Variants in BAG3 observed in about 807,000 individuals in gnomAD.
BAG3 encodes BAG family molecular chaperone regulator 3.
BAG3 carries 14 observed loss-of-function variants against 40.5 expected under a neutral mutation model. The observed-to-expected ratio is 0.35, with a 90% CI of 0.23 to 0.54. The LOEUF (loss-of-function observed/expected upper bound fraction) is 0.54, where lower values mean the gene tolerates loss of function less well. Ranked by LOEUF, BAG3 falls within the 20% of genes least tolerant of loss-of-function variation. The pLI is 0.91. For synonymous variants in BAG3, 302 were observed against 307.8 expected (o/e 0.98, Z 0.20); for missense variants, 788 against 758.6 (o/e 1.04, Z -0.46).
At chr10:119,652,968 T>G (rs1437885608) in intron 1 of BAG3, among the ~76,000 whole-genome samples, 1 of 152,246 alleles carries the variant, frequency 6.6e-6, no homozygotes, top group Non-Finnish European at 1.5e-5. Context: ...AAAGCTGAAT[T>G]GTTAACGCCG....
chr10:119,676,906 A>T lies in BAG3; in HGVS notation c.1352A>T (p.Tyr451Phe). Residue 451 changes from tyrosine to phenylalanine, a missense_variant, in exon 4 of 4, where the codon TAC (tyrosine) becomes TTC (phenylalanine). By Grantham distance (22) the Tyr-to-Phe change is conservative (BLOSUM62 3). Transcript: ENST00000369085. ...NFEGKKTDKK[Y>F]LMIEEYLTKE... ...GAAGGCAAGAAGACTGACAAAAAGT[A>T]CCTGATGATCGAAGAGTATTTGACC... 6.2e-7 allele frequency: 1 copy of T among 1,614,246 alleles called. No individual in the cohort carries two copies.
In BAG3 at chr10:119,672,793, G is replaced by A. The variant is rs1847172224; in HGVS notation, c.909+137G>A. 5 of 1,276,394 alleles carry A rather than the reference G, an allele frequency of 3.9e-6. No homozygotes were observed. Among genetic ancestry groups the A allele is most frequent in the Non-Finnish European group, 5.5e-6 (5 of 910,406 alleles). The allele number at this position is 1,276,394 out of a possible 1,614,324, so 79.1% of individuals were successfully genotyped here. Reference sequence around the variant, plus strand: ...GTACCTACAGGCAAGTGAGATTCGAGAAATTGCTAGGTATTAACAGAAATG... The same window carrying A: ...GTACCTACAGGCAAGTGAGATTCGAAAAATTGCTAGGTATTAACAGAAATG... On this transcript the variant is annotated intron_variant, in intron 3 of 3. Transcript: ENST00000369085. The surrounding 1 kb of genome is among the most constrained non-coding windows in gnomAD (Gnocchi z 4.8).
chr10:119,664,137 A>G (rs1185969128), intron 1 of BAG3, among the ~76,000 whole-genome samples: 2 of 152,182 alleles, frequency 1.3e-5, no homozygotes, highest in Non-Finnish European at 2.9e-5. Flanking sequence ...GCTAAAAACC[A>G]CTAGTGCAGT....
In BAG3 at chr10:119,677,086, A is replaced by T; in HGVS notation, c.1532A>T (p.Gln511Leu). The T allele has an allele frequency of 6.2e-7, 1 of 1,614,244 alleles. No individual in the cohort carries two copies. The highest frequency in any genetic ancestry group is 8.5e-7 in the Non-Finnish European group (1 of 1,180,048). ...GGTCAAGTCCAGGTCTATGAACTCCAGCCCAGCAACCTTGAAGCAGATCAG... is the reference window on the plus strand; with the variant it reads ...GGTCAAGTCCAGGTCTATGAACTCCTGCCCAGCAACCTTGAAGCAGATCAG... The part of the protein sequence containing the change: ...VPGQVQVYEL[Q>L]PSNLEADQPL... The change falls in exon 4 of 4, where the codon CAG becomes CTG. Residue 511 changes from glutamine to leucine, a missense_variant. By Grantham distance (113) the Gln-to-Leu change is moderately radical (BLOSUM62 -2). Coordinates refer to ENST00000369085, the MANE Select transcript of BAG3 (RefSeq NM_004281.4).
intron 2 of BAG3, among the ~76,000 whole-genome samples, chr10:119,671,759 TTGTG>T: frequency 6.6e-6 from 1 of 152,068 alleles, no homozygotes; most frequent in South Asian, 2.1e-4. Context: ...TCAGTCTTTG[TTGTG>T]TGTGTGTGTG....
chr10:119,655,704 G>T (rs887707585), intron 1 of BAG3, among the ~76,000 whole-genome samples: 2 of 152,086 alleles, frequency 1.3e-5, no homozygotes, highest in Non-Finnish European at 2.9e-5. Flanking sequence ...TTTGTTGGGG[G>T]GCAGATGAAC....
At chr10:119,656,281 G>A (rs767035315) in intron 1 of BAG3, among the ~76,000 whole-genome samples, 4 of 152,020 alleles carry the variant, frequency 2.6e-5, no homozygotes, top group Non-Finnish European at 5.9e-5. Flanking sequence ...ACACTTGACC[G>A]TGTTATTCTC....
At chr10:119,665,135 TATA>T in intron 1 of BAG3, among the ~76,000 whole-genome samples, 1 of 80,422 alleles carries the variant, frequency 1.2e-5, no homozygotes, top group African/African-American at 5.1e-5. Flanking sequence ...TGTATATATA[TATA>T]TATATATTTT....
At chr10:119,666,071 C>T (rs552485442) in intron 1 of BAG3, among the ~76,000 whole-genome samples, 3 of 152,186 alleles carry the variant, frequency 2.0e-5, no homozygotes, top group African/African-American at 4.8e-5. Flanking sequence ...CCCTTCCCCC[C>T]ACATGCCTCT....
chr10:119,672,631 T>C lies in BAG3; in HGVS notation c.884T>C (p.Val295Ala). ...CTCCACTCCCCCTCGCCCATCCGTG[T>C]GCACACCGTGGTCGACAGGCCTCAG... ...TPLHSPSPIR[V>A]HTVVDRPQQP... Residue 295 changes from valine (V) to alanine (A), a missense_variant, in exon 3 of 4, where the codon GTG becomes GCG. Physicochemically the swap from Val to Ala is moderately conservative, Grantham distance 64. Transcript: ENST00000369085. The surrounding 1 kb of genome is among the most constrained non-coding windows in gnomAD (Gnocchi z 4.8). 6.2e-7 allele frequency: 1 copy of C among 1,613,936 alleles called. No homozygotes were observed. Among genetic ancestry groups the C allele is most frequent in the Non-Finnish European group, 8.5e-7 (1 of 1,180,016 alleles).
At position 119,651,593 on chromosome 10, in the gene BAG3, C is replaced by T; in HGVS notation, c.-83C>T. 7.7e-7 allele frequency: 1 copy of T among 1,292,544 alleles called. No homozygotes were observed. 80.1% of individuals were successfully genotyped at this position (1,292,544 alleles called of 1,614,324 possible). On this transcript the variant is annotated 5_prime_UTR_variant, in exon 1 of 4. Coordinates refer to ENST00000369085, the MANE Select transcript of BAG3 (RefSeq NM_004281.4). ...GGACACGTCGGCGGCGGAGAGGGGC[C>T]CACGGCGGCGGCCCGGCCAGAGACT...
At position 119,672,889 on chromosome 10, in the gene BAG3, G is replaced by C. The variant is rs745920547; in HGVS notation, c.909+233G>C. 3.9e-5 allele frequency among the ~76,000 whole-genome samples: 6 copies of C among 152,122 alleles called. No individual in the cohort carries two copies. Among genetic ancestry groups the C allele is most frequent in the Non-Finnish European group, 7.4e-5 (5 of 68,026 alleles). ...TGCTGGGCTGATCATTGTGCATTGC[G>C]GCTGACTTAGAGCAGACGAAACAGC... is the stretch of plus-strand genomic sequence containing the variant. On this transcript the variant is annotated intron_variant, in intron 3 of 3. Transcript: ENST00000369085. This position sits in a 1 kb window ranked among gnomAD's most constrained non-coding sequence, Gnocchi z 4.8.
intron 3 of BAG3, among the ~76,000 whole-genome samples, chr10:119,675,828 C>T (rs1237276400): frequency 1.1e-4 from 6 of 56,908 alleles, no homozygotes; most frequent in African/African-American, 1.4e-4. Context: ...TTCCTTCCCC[C>T]TTCCCCCTTC....
At chr10:119,662,086 T>C (rs1846999227) in intron 1 of BAG3, among the ~76,000 whole-genome samples, 1 of 152,128 alleles carries the variant, frequency 6.6e-6, no homozygotes, top group Non-Finnish European at 1.5e-5. Context: ...CTCACTCTCT[T>C]GCCCAGGCTG....
chr10:119,676,857 C>T lies in BAG3; in HGVS notation c.1303C>T (p.Leu435=), dbSNP rs773567050. The T allele has an allele frequency of 6.2e-7, 1 of 1,614,174 alleles. No homozygotes were observed. Among genetic ancestry groups the T allele is most frequent in the South Asian group, 1.1e-5 (1 of 91,086 alleles). The change falls in exon 4 of 4, where the codon CTG becomes TTG. Residue 435 remains leucine, a synonymous_variant. Coordinates refer to ENST00000369085, the MANE Select transcript of BAG3 (RefSeq NM_004281.4). ...VEAILEKVQG[L]EQAVDNFEGK... ...AGCCATCCTGGAGAAGGTACAGGGG[C>T]TGGAGCAGGCTGTAGACAACTTTGA...
Position 119,677,552 on chromosome 10 carries a change from C to T in BAG3, c.*270C>T. 1.9e-6 allele frequency: 1 copy of T among 534,228 alleles called. No homozygotes were observed. The highest frequency in any genetic ancestry group is 3.4e-6 in the Non-Finnish European group (1 of 298,118). The allele number at this position is 534,228 out of a possible 1,614,324, so 33.1% of individuals were successfully genotyped here. On this transcript the variant is annotated 3_prime_UTR_variant, in exon 4 of 4. Transcript: ENST00000369085. ...TCTGCAGCCCTGTCTACTTGGGCAC[C>T]CCCACCACCTGTTAGCTGTGGTTGT... is the stretch of plus-strand genomic sequence containing the variant.
intron 1 of BAG3, among the ~76,000 whole-genome samples, chr10:119,653,916 C>T (rs747526701): frequency 1.3e-4 from 20 of 152,280 alleles, no homozygotes; most frequent in Middle Eastern, 6.8e-3. Context: ...CCCTCCTGGC[C>T]ACCAAGTTAT....
rs1342352759 is a variant in BAG3 at position 119,672,197 on chromosome 10, A to T, written c.508-58A>T. 5 of 1,603,826 alleles carry T rather than the reference A, an allele frequency of 3.1e-6. No individual in the cohort carries two copies. In the South Asian group the frequency reaches 4.4e-5, roughly 14 times the overall value. On this transcript the variant is annotated intron_variant, in intron 2 of 3. Transcript: ENST00000369085. This position sits in a 1 kb window ranked among gnomAD's most constrained non-coding sequence, Gnocchi z 4.8. ...GTGCACAGCAGAAGGCGTGGTCAGG[A>T]TGCCAAGCCAGGGGAGTCATTTGTG...
At chr10:119,668,860 A>C (rs564251361) in intron 1 of BAG3, among the ~76,000 whole-genome samples, 2 of 152,378 alleles carry the variant, frequency 1.3e-5, no homozygotes, top group African/African-American at 2.4e-5. Context: ...GGACCACGGC[A>C]GTGGGGTCGT....
Sources: allele counts gnomAD v4.1 joint callset (sites outside exome capture counted in the v4.1 genomes callset), GRCh38; gene constraint gnomAD v4.1.1; non-coding constraint Gnocchi (gnomAD v3.1); transcripts MANE v1.5; gene names NCBI Gene and HGNC (gene_info 2026-07-23, HGNC 2026-07-21).